IGSF23: variants seen among roughly 807,000 people sequenced by gnomAD.
IGSF23 encodes immunoglobulin superfamily, member 23.
A neutral mutation model predicts 17.8 loss-of-function variants in IGSF23; 14 were observed. The observed-to-expected ratio is 0.79, with a 90% CI of 0.52 to 1.23. The LOEUF (loss-of-function observed/expected upper bound fraction) is 1.23, where lower values mean the gene tolerates loss of function less well. IGSF23 is among the 50% of genes most tolerant of loss of function. The pLI is 0.00. For missense variants in IGSF23, 214 were observed against 241.7 expected (o/e 0.89, Z 0.76); for synonymous variants, 85 against 92.5 (o/e 0.92, Z 0.46).
chr19:44,618,518 G>C (rs547325609), intron 1 of IGSF23, among the ~76,000 whole-genome samples: 19 of 152,234 alleles, frequency 1.2e-4, no homozygotes, highest in African/African-American at 4.6e-4. Context: ...GTTATCCATT[G>C]CTCCCCAATA....
At chr19:44,628,304 G>A (rs1249110841) in intron 3 of IGSF23, among the ~76,000 whole-genome samples, 8 of 152,074 alleles carry the variant, frequency 5.3e-5, no homozygotes, top group South Asian at 2.1e-4. Flanking sequence ...TACTATGTTC[G>A]TCCTCTCTAC....
chr19:44,613,996 G>A (rs757944360), intron 1 of IGSF23: 15 of 1,518,118 alleles, frequency 9.9e-6, no homozygotes, highest in East Asian at 2.6e-5. Flanking sequence ...TAACAGGTGC[G>A]TTGGAGACAG....
intron 1 of IGSF23, among the ~76,000 whole-genome samples, chr19:44,622,123 G>A (rs1972535454): frequency 6.6e-6 from 1 of 151,896 alleles, no homozygotes; most frequent in Non-Finnish European, 1.5e-5. Flanking sequence ...GAGAGGCAGA[G>A]GCAGGAGAAT....
chr19:44,623,759 C>T lies in IGSF23; in HGVS notation c.178C>T (p.Gln60Ter). ...TFPAAIRGVI[Q>*]SELNYSVILQ... is the part of the protein sequence containing the mutation. ...CCCAGCTGCTATCCGGGGAGTCATC[C>T]AGAGTGAGCTCAACTATTCTGTGAT... The change falls in exon 2 of 5, where the codon CAG (glutamine) becomes TAG (stop). Residue 60 changes from glutamine to a stop codon, truncating the protein, a stop_gained. Coordinates refer to ENST00000402988, the MANE Select transcript of IGSF23 (RefSeq NM_001205280.2). LOFTEE classifies it high-confidence loss of function. 1 of 1,551,082 alleles carries T rather than the reference C, an allele frequency of 6.4e-7. No individual in the cohort carries two copies. The highest frequency in any genetic ancestry group is 1.7e-4 in the Middle Eastern group (1 of 5,998).
intron 1 of IGSF23, among the ~76,000 whole-genome samples, chr19:44,622,547 G>A (rs1389437528): frequency 6.6e-6 from 1 of 152,038 alleles, no homozygotes; most frequent in Non-Finnish European, 1.5e-5. Flanking sequence ...TCACCTCCTC[G>A]CTGGGCTGTT....
chr19:44,621,180 G>A (rs1458334329), intron 1 of IGSF23, among the ~76,000 whole-genome samples: 2 of 151,626 alleles, frequency 1.3e-5, no homozygotes, highest in East Asian at 3.9e-4. Context: ...CTACTCAGGA[G>A]GCTGAGATGG....
chr19:44,632,818 A>G (rs1972797205), intron 3 of IGSF23, among the ~76,000 whole-genome samples: 1 of 152,192 alleles, frequency 6.6e-6, no homozygotes, highest in Non-Finnish European at 1.5e-5. Flanking sequence ...GCTAGACTCA[A>G]TTGTGTATGG....
intron 3 of IGSF23, among the ~76,000 whole-genome samples, chr19:44,630,928 G>A (rs1301153316): frequency 6.6e-6 from 1 of 152,056 alleles, no homozygotes; most frequent in East Asian, 1.9e-4. Flanking sequence ...TGGAATTTGG[G>A]GGAGCCCTTT....
At chr19:44,620,370 TGTGTGTGTGTGTGTGA>T (rs1205858681) in intron 1 of IGSF23, among the ~76,000 whole-genome samples, 1 of 151,266 alleles carries the variant, frequency 6.6e-6, no homozygotes, top group Admixed American at 6.6e-5. Flanking sequence ...TGTGTGTGTG[TGTGTGTGTGTGTGTGA>T]GATGGAGCCT....
chr19:44,635,574 T>C, intron 4 of IGSF23, 109 bp downstream of exon 4: 1 of 750,848 alleles, frequency 1.3e-6, no homozygotes, highest in Non-Finnish European at 2.2e-6. Flanking sequence ...TGGTCATTTG[T>C]CTGTGAGATG....
Position 44,625,672 on chromosome 19 carries a change from A to G in IGSF23, c.391+1700A>G, listed in dbSNP as rs555524524. Among the ~76,000 whole-genome samples, 4 of 152,242 alleles carry G rather than the reference A, an allele frequency of 2.6e-5. No individual in the cohort carries two copies. In the East Asian group the frequency reaches 5.8e-4, roughly 22 times the overall value. ...CCTTGAATAGCAGCTGTTATGGTGA[A>G]TATTGTTTTTAGTGTGTTATTCATG... is the stretch of plus-strand genomic sequence containing the variant. On this transcript the variant is annotated intron_variant, in intron 2 of 4. Transcript: ENST00000402988.
At chr19:44,630,492 G>C (rs1422843087) in intron 3 of IGSF23, among the ~76,000 whole-genome samples, 1 of 152,224 alleles carries the variant, frequency 6.6e-6, no homozygotes, top group Non-Finnish European at 1.5e-5. Context: ...GTCTACAGAG[G>C]GGAAAGGTGA....
chr19:44,618,104 T>G (rs1298095763), intron 1 of IGSF23: 1 of 471,034 alleles, frequency 2.1e-6, no homozygotes, highest in African/African-American at 2.0e-5. Context: ...GCACCTGCTC[T>G]GCCTTCTCAG....
chr19:44,619,483 C>A (rs1972462781), intron 1 of IGSF23, among the ~76,000 whole-genome samples: 1 of 152,200 alleles, frequency 6.6e-6, no homozygotes, highest in Admixed American at 6.5e-5. Context: ...GAAAACAAAG[C>A]CCTGAGAGTA....
intron 3 of IGSF23, among the ~76,000 whole-genome samples, chr19:44,629,214 T>G (rs1181105752): frequency 1.3e-5 from 2 of 152,158 alleles, no homozygotes; most frequent in Non-Finnish European, 2.9e-5. Flanking sequence ...GGCATCTGAC[T>G]TATATTTGAT....
At chr19:44,622,949 C>T (rs1437399339) in intron 1 of IGSF23, among the ~76,000 whole-genome samples, 2 of 152,144 alleles carry the variant, frequency 1.3e-5, no homozygotes, top group Admixed American at 1.3e-4. Context: ...TTACCTGAAA[C>T]GGGTTTACCC....
chr19:44,628,362 G>C (rs2123724131), intron 3 of IGSF23, among the ~76,000 whole-genome samples: 1 of 152,256 alleles, frequency 6.6e-6, no homozygotes, highest in African/African-American at 2.4e-5. Context: ...GATACCGAGG[G>C]AAGAAACAGC....
intron 3 of IGSF23, among the ~76,000 whole-genome samples, chr19:44,631,002 C>G (rs1028914281): frequency 3.3e-5 from 5 of 152,002 alleles, no homozygotes; most frequent in African/African-American, 7.2e-5. Flanking sequence ...CAATTGTAAT[C>G]CCAGCACTTT....
intron 1 of IGSF23, among the ~76,000 whole-genome samples, chr19:44,615,461 T>C (rs1599726755): frequency 6.6e-6 from 1 of 150,708 alleles, no homozygotes; most frequent in African/African-American, 2.4e-5. Context: ...CCGTCTCTAC[T>C]AAAAACAGAA....
Sources: allele counts gnomAD v4.1 joint callset (sites outside exome capture counted in the v4.1 genomes callset), GRCh38; gene constraint gnomAD v4.1.1; transcripts MANE v1.5; gene names NCBI Gene and HGNC (gene_info 2026-07-23, HGNC 2026-07-21).